The following GALNTL6 variants were observed in gnomAD, a reference collection of about 807,000 sequenced individuals.
GALNTL6 encodes the protein polypeptide N-acetylgalactosaminyltransferase-like 6.
A neutral mutation model predicts 73.7 loss-of-function variants in GALNTL6; 46 were observed. The observed-to-expected ratio is 0.62, with a 90% CI of 0.49 to 0.80. GALNTL6 has a LOEUF of 0.80. Ranked by LOEUF, GALNTL6 falls within the 30% of genes least tolerant of loss-of-function variation. GALNTL6 has a pLI of 0.00. For synonymous variants in GALNTL6, 259 were observed against 263.7 expected (o/e 0.98, Z 0.17); for missense variants, 604 against 755.0 (o/e 0.80, Z 2.34).
chr4:172,927,003 GTC>G (rs1422145016), intron 8 of GALNTL6, among the ~76,000 whole-genome samples: 2 of 152,134 alleles, frequency 1.3e-5, no homozygotes, highest in Non-Finnish European at 2.9e-5. Context: ...TCTATTGCTT[GTC>G]TCACAATTTG....
At chr4:172,938,406 C>G (rs1748737361) in intron 9 of GALNTL6, among the ~76,000 whole-genome samples, 1 of 152,148 alleles carries the variant, frequency 6.6e-6, no homozygotes, top group Non-Finnish European at 1.5e-5. Flanking sequence ...TCTGAAATAG[C>G]TGAAATAAAA....
At position 172,562,816 on chromosome 4, in the gene GALNTL6, C is replaced by T. The variant is rs575975485; in HGVS notation, c.553+214127C>T. On this transcript the variant is annotated intron_variant, in intron 5 of 12. Transcript: ENST00000506823. ...GAGTAAATCACAGAGTTTGCTACCA[C>T]CACCACTGTCTAGATAGAATAGAAA... Among the ~76,000 whole-genome samples, 6 of 152,276 alleles carry T rather than the reference C, an allele frequency of 3.9e-5. No individual in the cohort carries two copies. In the South Asian group the frequency reaches 1.2e-3, roughly 32 times the overall value.
chr4:172,107,974 G>C (rs980591403), intron 2 of GALNTL6, among the ~76,000 whole-genome samples: 1 of 152,058 alleles, frequency 6.6e-6, no homozygotes, highest in Admixed American at 6.5e-5. Flanking sequence ...AAGAAAAGTA[G>C]GTTTTTAGTC....
chr4:172,973,036 C>G (rs1750652094), intron 10 of GALNTL6, among the ~76,000 whole-genome samples: 1 of 152,134 alleles, frequency 6.6e-6, no homozygotes, highest in South Asian at 2.1e-4. Flanking sequence ...GTCCAAAGAG[C>G]TCTGTAGTTG....
chr4:172,262,028 T>C (rs1440558498), intron 3 of GALNTL6, among the ~76,000 whole-genome samples: 1 of 151,334 alleles, frequency 6.6e-6, no homozygotes, highest in Non-Finnish European at 1.5e-5. Flanking sequence ...ACAATTTTGT[T>C]TTTAATGGCT....
chr4:172,261,863 TC>T (rs1738269698), intron 3 of GALNTL6, among the ~76,000 whole-genome samples: 1 of 151,396 alleles, frequency 6.6e-6, no homozygotes, highest in South Asian at 2.1e-4. Context: ...GACCCAAAGA[TC>T]ATTCGAGAGC....
At chr4:172,721,851 A>C (rs545599631) in intron 5 of GALNTL6, among the ~76,000 whole-genome samples, 1 of 152,320 alleles carries the variant, frequency 6.6e-6, no homozygotes, top group East Asian at 1.9e-4. Context: ...TATGCAGTGC[A>C]GCTAGAGTGG....
chr4:171,854,136 A>G (rs1389066306), intron 2 of GALNTL6, among the ~76,000 whole-genome samples: 6 of 152,164 alleles, frequency 3.9e-5, no homozygotes, highest in Non-Finnish European at 8.8e-5. Context: ...GATCTTGCTC[A>G]TCTCTATAAC....
At chr4:171,979,655 G>A (rs1393314085) in intron 2 of GALNTL6, among the ~76,000 whole-genome samples, 2 of 152,200 alleles carry the variant, frequency 1.3e-5, no homozygotes, top group Non-Finnish European at 2.9e-5. Context: ...GGTTCATGGT[G>A]TCTCTGGAGT....
chr4:172,463,234 A>G (rs1732678374), intron 5 of GALNTL6, among the ~76,000 whole-genome samples: 1 of 150,774 alleles, frequency 6.6e-6, no homozygotes, highest in Non-Finnish European at 1.5e-5. Flanking sequence ...AGCAGGAAGG[A>G]AAAAAATAAT....
At chr4:172,074,048 C>G (rs1393057333) in intron 2 of GALNTL6, among the ~76,000 whole-genome samples, 1 of 152,134 alleles carries the variant, frequency 6.6e-6, no homozygotes, top group Non-Finnish European at 1.5e-5. Context: ...AGCAGAGTAA[C>G]AACTGTTTCA....
In GALNTL6 at chr4:171,950,729, C is replaced by T. The variant is rs1738853793; in HGVS notation, c.138+136011C>T. ...CCCTGACCTTGTGATCCGCCCGCCT[C>T]GGCCTCCCAGAGTGCTGGGATTACA... On this transcript the variant is annotated intron_variant, in intron 2 of 12. Coordinates refer to ENST00000506823, the MANE Select transcript of GALNTL6 (RefSeq NM_001034845.3). Among the ~76,000 whole-genome samples the T allele has an allele frequency of 3.3e-5, 5 of 152,176 alleles. No homozygotes were observed. In the South Asian group the frequency reaches 8.3e-4, roughly 25 times the overall value.
intron 5 of GALNTL6, among the ~76,000 whole-genome samples, chr4:172,414,578 A>G (rs578041449): frequency 1.1e-4 from 16 of 152,020 alleles, no homozygotes; most frequent in Admixed American, 3.3e-4. Context: ...AGAGCACACT[A>G]CTCTTAGCGG....
At chr4:172,823,881 G>A (rs542675406) in intron 7 of GALNTL6, among the ~76,000 whole-genome samples, 1 of 152,220 alleles carries the variant, frequency 6.6e-6, no homozygotes, top group African/African-American at 2.4e-5. Context: ...AGATGATATT[G>A]ATCTTCAGTT....
At chr4:171,866,358 G>A (rs550348045) in intron 2 of GALNTL6, among the ~76,000 whole-genome samples, 1 of 151,544 alleles carries the variant, frequency 6.6e-6, no homozygotes, top group African/African-American at 2.4e-5. Context: ...TTTCCAATTA[G>A]AGTCAATATT....
intron 5 of GALNTL6, among the ~76,000 whole-genome samples, chr4:172,396,374 C>T (rs1743851266): frequency 6.6e-6 from 1 of 150,390 alleles, no homozygotes; most frequent in African/African-American, 2.5e-5. Flanking sequence ...TTACCATAGT[C>T]CTCACTGCAG....
chr4:172,427,930 G>A (rs1337468044), intron 5 of GALNTL6, among the ~76,000 whole-genome samples: 1 of 152,142 alleles, frequency 6.6e-6, no homozygotes, highest in African/African-American at 2.4e-5. Context: ...ATAAATGCAG[G>A]TTCCTTTGAA....
intron 2 of GALNTL6, among the ~76,000 whole-genome samples, chr4:172,150,839 T>C (rs1560943038): frequency 6.6e-6 from 1 of 152,330 alleles, no homozygotes; most frequent in East Asian, 1.9e-4. Context: ...TGTCTTATAG[T>C]ACAATGTAAA....
chr4:171,964,179 T>A (rs963217091), intron 2 of GALNTL6, among the ~76,000 whole-genome samples: 1 of 151,836 alleles, frequency 6.6e-6, no homozygotes, highest in Admixed American at 6.6e-5. Flanking sequence ...CAATACTTTT[T>A]TTTTTTTCCT....
Sources: allele counts gnomAD v4.1 joint callset (sites outside exome capture counted in the v4.1 genomes callset), GRCh38; gene constraint gnomAD v4.1.1; transcripts MANE v1.5; gene names NCBI Gene and HGNC (gene_info 2026-07-23, HGNC 2026-07-21).